SLC39A10: variants seen among roughly 807,000 people sequenced by gnomAD.
SLC39A10 encodes zinc transporter ZIP10.
Under a neutral mutation model 65.1 loss-of-function variants are expected in SLC39A10, and 13 were observed. That is an observed-to-expected ratio of 0.20 (90% CI 0.13 to 0.32). The LOEUF is 0.32. Among genes scored for constraint, SLC39A10 ranks in the 10% least tolerant of loss-of-function variants. The pLI is 1.00. For missense variants in SLC39A10, 831 were observed against 1,018.4 expected (o/e 0.82, Z 2.50); for synonymous variants, 321 against 342.2 (o/e 0.94, Z 0.68).
At chr2:195,625,127 GAATC>G in intron 2 of SLC39A10, among the ~76,000 whole-genome samples, 1 of 149,154 alleles carries the variant, frequency 6.7e-6, no homozygotes, top group African/African-American at 2.5e-5. Context: ...TGAGGCATGA[GAATC>G]GCTTGAACCC....
chr2:195,695,820 C>T (rs1690935205), intron 3 of SLC39A10, among the ~76,000 whole-genome samples: 1 of 151,986 alleles, frequency 6.6e-6, no homozygotes, highest in South Asian at 2.1e-4. Context: ...TTTGTTTTTG[C>T]CTGTGCCTTT....
At chr2:195,664,969 G>A (rs1689577008) in intron 1 of SLC39A10, among the ~76,000 whole-genome samples, 1 of 152,158 alleles carries the variant, frequency 6.6e-6, no homozygotes, top group East Asian at 1.9e-4. Flanking sequence ...GATTACTTAA[G>A]GCCAAGAGTT....
chr2:195,629,685 C>T (rs1163531495), intron 2 of SLC39A10, among the ~76,000 whole-genome samples: 1 of 152,202 alleles, frequency 6.6e-6, no homozygotes. Context: ...TTTGTTCTTA[C>T]ATTATACAAA....
intron 9 of SLC39A10, among the ~76,000 whole-genome samples, chr2:195,730,237 C>T (rs1692391709): frequency 6.6e-6 from 1 of 152,046 alleles, no homozygotes; most frequent in Admixed American, 6.6e-5. Flanking sequence ...TAGTCATTTT[C>T]CAGTCTTCAT....
intron 8 of SLC39A10, among the ~76,000 whole-genome samples, chr2:195,721,534 C>T (rs1692038476): frequency 6.6e-6 from 1 of 151,772 alleles, no homozygotes; most frequent in African/African-American, 2.4e-5. Flanking sequence ...GGGTCCTTCA[C>T]CCATTTTCTT....
intron 5 of SLC39A10, among the ~76,000 whole-genome samples, chr2:195,711,546 T>C (rs1056111443): frequency 1.3e-5 from 2 of 152,172 alleles, no homozygotes; most frequent in African/African-American, 2.4e-5. Flanking sequence ...TTATGGTAAA[T>C]AGGACAATAA....
chr2:195,704,401 T>C (rs918550105), intron 3 of SLC39A10, among the ~76,000 whole-genome samples: 2 of 152,224 alleles, frequency 1.3e-5, no homozygotes, highest in Non-Finnish European at 2.9e-5. Context: ...CTTTGTCCCA[T>C]GTAGTTATTG....
chr2:195,648,582 G>A (rs563160616), intron 2 of SLC39A10, among the ~76,000 whole-genome samples: 58 of 152,296 alleles, frequency 3.8e-4, no homozygotes, highest in African/African-American at 1.3e-3. Flanking sequence ...GGAGGCTGAG[G>A]TGGGAGGATC....
intron 3 of SLC39A10, among the ~76,000 whole-genome samples, chr2:195,706,009 T>C: frequency 6.6e-6 from 1 of 152,064 alleles, no homozygotes; most frequent in East Asian, 1.9e-4. Flanking sequence ...AAACCCAAAT[T>C]GGAGGAATGG....
intron 1 of SLC39A10, among the ~76,000 whole-genome samples, chr2:195,677,954 G>A (rs1690159130): frequency 6.6e-6 from 1 of 152,032 alleles, no homozygotes; most frequent in African/African-American, 2.4e-5. Context: ...TACCATGTTT[G>A]CTAGGCCTGT....
intron 8 of SLC39A10, 48 bp downstream of exon 8, chr2:195,718,380 T>C: frequency 1.4e-6 from 2 of 1,400,198 alleles, no homozygotes. Flanking sequence ...ATCTAAGACT[T>C]CCTTAATTGT....
chr2:195,714,762 C>CT (rs1169888852), intron 6 of SLC39A10, among the ~76,000 whole-genome samples: 16 of 151,832 alleles, frequency 1.1e-4, no homozygotes, highest in Non-Finnish European at 5.9e-5. Context: ...TGCTACAAAC[C>CT]TTTTTTTTGA....
chr2:195,640,340 G>GAAA (rs3049392), intron 2 of SLC39A10, among the ~76,000 whole-genome samples: 2 of 126,304 alleles, frequency 1.6e-5, no homozygotes, highest in South Asian at 2.4e-4. Flanking sequence ...AGCATTAAAA[G>GAAA]AAAAAAAAAA....
chr2:195,615,440 G>A (rs1212562273), intron 2 of SLC39A10, among the ~76,000 whole-genome samples: 6 of 152,182 alleles, frequency 3.9e-5, no homozygotes, highest in African/African-American at 1.4e-4. Flanking sequence ...TGGGAGTATA[G>A]GTGTGAGCCA....
chr2:195,636,738 G>GC (rs1389737609), intron 2 of SLC39A10, among the ~76,000 whole-genome samples: 4 of 152,070 alleles, frequency 2.6e-5, no homozygotes, highest in South Asian at 2.1e-4. Context: ...GGGCGACAGA[G>GC]CAAGACTCTG....
intron 1 of SLC39A10, among the ~76,000 whole-genome samples, chr2:195,662,516 T>C (rs922773947): frequency 5.3e-5 from 8 of 152,048 alleles, no homozygotes; most frequent in Non-Finnish European, 1.0e-4. Context: ...TCAAGTGAGC[T>C]ACCTGCCTTG....
In SLC39A10 at chr2:195,736,779, A is replaced by G. The variant is rs894216604; in HGVS notation, c.*1738A>G. 6.6e-6 allele frequency: 1 copy of G among 152,610 alleles called. No homozygotes were observed. The highest frequency in any genetic ancestry group is 1.5e-5 in the Non-Finnish European group (1 of 68,028). The allele number at this position is 152,610 out of a possible 1,614,324, so 9.5% of individuals were successfully genotyped here. A position where few individuals can be genotyped will look rare whatever the true frequency, so the allele number is the denominator to read the frequency against. On this transcript the variant is annotated 3_prime_UTR_variant, in exon 10 of 10. Transcript: ENST00000359634. ...ATATAATTAATTTTCAGCATTGGGC[A>G]CTGAATTAGGACAGTCCTCATCTCA...
chr2:195,628,995 C>T (rs1688527850), intron 2 of SLC39A10, among the ~76,000 whole-genome samples: 1 of 152,178 alleles, frequency 6.6e-6, no homozygotes, highest in African/African-American at 2.4e-5. Context: ...ATTATTAAGT[C>T]TTCATTCCTC....
At chr2:195,623,053 G>C (rs546787439) in intron 2 of SLC39A10, among the ~76,000 whole-genome samples, 49 of 150,832 alleles carry the variant, frequency 3.2e-4, no homozygotes, top group Non-Finnish European at 6.2e-4. Flanking sequence ...AAGGACAATA[G>C]CTAGAGATGC....
Sources: gnomAD v4.1 joint callset for allele counts (sites outside exome capture counted in the v4.1 genomes callset) on GRCh38, gnomAD v4.1.1 for gene constraint, MANE v1.5 for transcripts, NCBI Gene and HGNC (gene_info 2026-07-23, HGNC 2026-07-21) for gene names.